Variants in ADGRD1 observed in about 807,000 individuals in gnomAD.
The protein encoded by ADGRD1 is adhesion G protein-coupled receptor D1, also known as G-protein coupled receptor 133.
ADGRD1 carries 77 observed loss-of-function variants against 113.4 expected under a neutral mutation model. The ratio of observed to expected loss-of-function variants is 0.68; its 90% CI spans 0.57 to 0.82. The LOEUF (loss-of-function observed/expected upper bound fraction) is 0.82, where lower values mean the gene tolerates loss of function less well. Ranked by LOEUF, ADGRD1 falls within the 40% of genes least tolerant of loss-of-function variation. The pLI, the probability that ADGRD1 is intolerant of heterozygous loss-of-function variation, is 0.00. For synonymous variants in ADGRD1, 474 were observed against 475.0 expected (o/e 1.00, Z 0.03); for missense variants, 1,036 against 1,139.1 (o/e 0.91, Z 1.30).
At chr12:131,129,411 G>A (rs1950848021) in intron 20 of ADGRD1, among the ~76,000 whole-genome samples, 1 of 137,436 alleles carries the variant, frequency 7.3e-6, no homozygotes, top group African/African-American at 2.7e-5. Flanking sequence ...TGCTGTCTGG[G>A]TGTGAGTGAC....
intron 15 of ADGRD1, among the ~76,000 whole-genome samples, chr12:131,090,100 C>T (rs142854586): frequency 2.2e-3 from 342 of 152,276 alleles, no homozygotes; most frequent in Non-Finnish European, 4.0e-3. Context: ...GGTCTCGATC[C>T]GTCACCGTTC....
chr12:131,132,008 G>T (rs1950942801), intron 21 of ADGRD1, among the ~76,000 whole-genome samples, 192 bp downstream of exon 21: 1 of 152,190 alleles, frequency 6.6e-6, no homozygotes, highest in South Asian at 2.1e-4. Context: ...CCAGGACAGG[G>T]CCTTTACCCA....
chr12:131,136,166 G>C lies in ADGRD1; in HGVS notation c.2394+3G>C, dbSNP rs773188051. The stretch of plus-strand genomic sequence containing the variant: ...TTGCCACGCTCAACTCCCTGCAGGT[G>C]AGAGCCGCGGGGACTGGCGGGGAGG... On this transcript the variant is annotated splice_donor_region_variant and intron_variant, in intron 22 of 24. Transcript: ENST00000261654. 1.2e-6 allele frequency: 2 copies of C among 1,613,980 alleles called. No individual in the cohort carries two copies. Among genetic ancestry groups the C allele is most frequent in the Non-Finnish European group, 1.7e-6 (2 of 1,179,970 alleles).
At chr12:131,008,406 G>T (rs772025485) in intron 12 of ADGRD1, among the ~76,000 whole-genome samples, 3 of 152,250 alleles carry the variant, frequency 2.0e-5, no homozygotes, top group Non-Finnish European at 4.4e-5. Flanking sequence ...GTGTTGTGAG[G>T]ATGAAAGGAT....
chr12:131,041,705 CAG>C lies in ADGRD1; in HGVS notation c.1473+27366_1473+27367del, dbSNP rs879288388. ...CAGAGTGGACATGTCATGCATGAAT[CAG>C]GGAGCAGTTCCCGGGGAACACACTG... On this transcript the variant is annotated intron_variant, in intron 13 of 24. Coordinates refer to ENST00000261654, the MANE Select transcript of ADGRD1 (RefSeq NM_198827.5). This position sits in a 1 kb window ranked among gnomAD's most constrained non-coding sequence, Gnocchi z 4.4. Among the ~76,000 whole-genome samples, 1 of 152,200 alleles carries C rather than the reference CAG, an allele frequency of 6.6e-6. No homozygotes were observed. The highest frequency in any genetic ancestry group is 1.5e-5 in the Non-Finnish European group (1 of 68,024).
chr12:131,047,000 A>T (rs540009305), intron 13 of ADGRD1, among the ~76,000 whole-genome samples: 2 of 141,980 alleles, frequency 1.4e-5, no homozygotes, highest in African/African-American at 5.4e-5. Context: ...CTCCCTGGTC[A>T]GTGTCCTCCC....
chr12:131,098,788 G>A (rs1402700868), intron 15 of ADGRD1, among the ~76,000 whole-genome samples: 3 of 152,198 alleles, frequency 2.0e-5, no homozygotes, highest in Non-Finnish European at 2.9e-5. Flanking sequence ...ACACATCCAC[G>A]TCTTTGTTCA....
intron 23 of ADGRD1, among the ~76,000 whole-genome samples, chr12:131,137,279 C>T (rs1027822789): frequency 5.3e-5 from 8 of 152,208 alleles, no homozygotes; most frequent in Non-Finnish European, 1.2e-4. Context: ...GAGATGTAGG[C>T]GTGCTCCCCA....
At chr12:130,986,935 G>C in intron 5 of ADGRD1, 160 bp from the exon 6 acceptor site, 1 of 621,100 alleles carries the variant, frequency 1.6e-6, no homozygotes, top group South Asian at 2.0e-5. Flanking sequence ...CAAAGGACTG[G>C]GGAAAGTCAG....
chr12:131,082,996 A>G (rs1886184495), intron 14 of ADGRD1, among the ~76,000 whole-genome samples: 1 of 152,216 alleles, frequency 6.6e-6, no homozygotes. Context: ...GGGCTAACGC[A>G]GGGTTACCGT....
intron 4 of ADGRD1, among the ~76,000 whole-genome samples, chr12:130,973,807 C>T (rs1457599418): frequency 2.0e-5 from 3 of 152,086 alleles, no homozygotes; most frequent in Admixed American, 6.6e-5. Flanking sequence ...AGATATAAAC[C>T]GGGGGTGCGG....
At chr12:131,081,768 G>C (rs1469849880) in intron 14 of ADGRD1, among the ~76,000 whole-genome samples, 1 of 152,086 alleles carries the variant, frequency 6.6e-6, no homozygotes, top group Non-Finnish European at 1.5e-5. Flanking sequence ...TCTTTGTGTA[G>C]ATTTTTGTCT....
At chr12:130,960,580 T>A (rs1026373066) in intron 2 of ADGRD1, among the ~76,000 whole-genome samples, 17 of 151,912 alleles carry the variant, frequency 1.1e-4, no homozygotes, top group African/African-American at 4.1e-4. Context: ...TTGCATTTTA[T>A]CATTCATTCT....
intron 13 of ADGRD1, chr12:131,069,428 T>G (rs1234797358): frequency 6.6e-6 from 1 of 152,174 alleles, no homozygotes; most frequent in Non-Finnish European, 1.5e-5. Context: ...GTGGCTTCAT[T>G]TGTAAAGTGG....
At chr12:131,052,771 C>T (rs1315867409) in intron 13 of ADGRD1, among the ~76,000 whole-genome samples, 2 of 152,204 alleles carry the variant, frequency 1.3e-5, no homozygotes, top group Non-Finnish European at 2.9e-5. Context: ...GGCCTCATGG[C>T]ATTGACTCCA....
Position 131,054,548 on chromosome 12 carries a change from G to A in ADGRD1, c.1474-22253G>A, listed in dbSNP as rs572532351. Among the ~76,000 whole-genome samples, 11 of 152,306 alleles carry A rather than the reference G, an allele frequency of 7.2e-5. No homozygotes were observed. The South Asian group carries it at 2.3e-3, about 32-fold the overall frequency. ...AAGTTCCAAGGTTTCCAGGCCGGCA[G>A]GTGTGGACTCAGGCTATTCCTGGCC... is the stretch of plus-strand genomic sequence containing the variant. On this transcript the variant is annotated intron_variant, in intron 13 of 24. Coordinates refer to ENST00000261654, the MANE Select transcript of ADGRD1 (RefSeq NM_198827.5).
intron 15 of ADGRD1, 46 bp from the exon 16 acceptor site, chr12:131,104,785 G>A (rs772993961): frequency 1.1e-5 from 15 of 1,357,972 alleles, no homozygotes; most frequent in Non-Finnish European, 1.3e-5. Flanking sequence ...AGGCTCCGAT[G>A]GGGTGCCTGG....
At position 131,112,317 on chromosome 12, in the gene ADGRD1, C is replaced by G. The variant is rs11061332; in HGVS notation, c.2041+3440C>G. On this transcript the variant is annotated intron_variant, in intron 18 of 24. Transcript: ENST00000261654. ...TTGTATGACACCATCTGTTAGGTTC[C>G]ACTCATTGCCAGCCTATGGCTCTGT... Among the ~76,000 whole-genome samples the G allele has an allele frequency of 7.0e-3, 1,060 of 152,288 alleles. 11 individuals carry two copies. The highest frequency in any genetic ancestry group is 0.025 in the African/African-American group (1,018 of 41,536).
At chr12:131,004,970 G>A (rs558425108) in intron 11 of ADGRD1, among the ~76,000 whole-genome samples, 24 of 152,212 alleles carry the variant, frequency 1.6e-4, no homozygotes, top group Admixed American at 6.5e-4. Context: ...TGGGGACCTC[G>A]GGCAAGCAGG....
Sources: gnomAD v4.1 joint callset for allele counts (sites outside exome capture counted in the v4.1 genomes callset) on GRCh38, gnomAD v4.1.1 for gene constraint, Gnocchi (gnomAD v3.1) non-coding constraint, MANE v1.5 for transcripts, NCBI Gene and HGNC (gene_info 2026-07-23, HGNC 2026-07-21) for gene names.